Variants in PDIA5 observed in about 807,000 individuals in gnomAD.
The protein encoded by PDIA5 is protein disulfide-isomerase A5.
In PDIA5, 58 loss-of-function variants were observed where a neutral mutation model predicts 77.6. That is an observed-to-expected ratio of 0.75 (90% CI 0.61 to 0.93). PDIA5 has a LOEUF of 0.93. PDIA5 is among the 40% of genes least tolerant of loss of function. The probability of loss-of-function intolerance (pLI) is 0.00; values close to 1 mark genes in which losing one functional copy is unlikely to be tolerated. For missense variants in PDIA5, 630 were observed against 647.7 expected (o/e 0.97, Z 0.30); for synonymous variants, 250 against 252.1 (o/e 0.99, Z 0.08).
chr3:123,082,759 C>T (rs1934041828), intron 1 of PDIA5, among the ~76,000 whole-genome samples: 1 of 152,174 alleles, frequency 6.6e-6, no homozygotes, highest in South Asian at 2.1e-4. Context: ...TTTGTCATCT[C>T]TCCCCTCATG....
intron 15 of PDIA5, among the ~76,000 whole-genome samples, chr3:123,156,300 G>A (rs1468869497): frequency 6.6e-5 from 10 of 152,182 alleles, no homozygotes; most frequent in Admixed American, 2.6e-4. Context: ...GGAGTCAGGA[G>A]GTCCCATTGT....
intron 3 of PDIA5, 59 bp downstream of exon 3, chr3:123,092,501 G>T: frequency 8.4e-7 from 1 of 1,191,368 alleles, no homozygotes; most frequent in Non-Finnish European, 1.3e-6. Flanking sequence ...TTGGGGCTTT[G>T]ATTGGTGGGG....
intron 10 of PDIA5, among the ~76,000 whole-genome samples, chr3:123,129,869 G>C (rs748924106): frequency 6.6e-6 from 1 of 152,204 alleles, no homozygotes; most frequent in Non-Finnish European, 1.5e-5. Context: ...GGAAGGATTA[G>C]TGATGTAGCA....
intron 3 of PDIA5, among the ~76,000 whole-genome samples, chr3:123,100,952 G>T (rs555134183): frequency 1.3e-5 from 2 of 152,338 alleles, no homozygotes; most frequent in African/African-American, 4.8e-5. Flanking sequence ...CTCCAGTTGT[G>T]TAGTCAGTGG....
intron 1 of PDIA5, among the ~76,000 whole-genome samples, chr3:123,079,525 C>A (rs915728786): frequency 1.5e-4 from 23 of 152,156 alleles, no homozygotes; most frequent in Admixed American, 3.9e-4. Context: ...AAAATACCAT[C>A]TAAATGGCTT....
chr3:123,127,886 TG>T (rs1177524685), intron 10 of PDIA5, among the ~76,000 whole-genome samples: 1 of 152,170 alleles, frequency 6.6e-6, no homozygotes, highest in Admixed American at 6.5e-5. Context: ...GAGCATGTAT[TG>T]AGTGTCTGCT....
intron 1 of PDIA5, among the ~76,000 whole-genome samples, chr3:123,069,070 C>T (rs1014933535): frequency 6.6e-6 from 1 of 152,218 alleles, no homozygotes; most frequent in African/African-American, 2.4e-5. Context: ...TCTATCTTCT[C>T]CTTTCCCTAA....
intron 1 of PDIA5, among the ~76,000 whole-genome samples, chr3:123,079,337 C>T (rs1207837562): frequency 6.6e-6 from 1 of 151,864 alleles, no homozygotes; most frequent in Non-Finnish European, 1.5e-5. Flanking sequence ...CCCGCCACCA[C>T]GCCCGGCTAA....
chr3:123,123,409 G>A lies in PDIA5; in HGVS notation c.610-657G>A, dbSNP rs139039156. 5.1e-3 allele frequency among the ~76,000 whole-genome samples: 774 copies of A among 152,352 alleles called. 2 individuals carry two copies. Among genetic ancestry groups the A allele is most frequent in the Non-Finnish European group, 8.4e-3 (571 of 68,044 alleles). On this transcript the variant is annotated intron_variant, in intron 8 of 16. Transcript: ENST00000316218. ...GAGATGATGATCCAGCCAGGCTGTG[G>A]GTAATGGTCACCAACAGGAGGAAAC...
chr3:123,089,567 G>A lies in PDIA5; in HGVS notation c.169+273G>A, dbSNP rs75612766. ...CCTCACTCCTCAAGAGGGAGAGGGC[G>A]TGTGTGAAGTAGGACAGAGGATCAC... On this transcript the variant is annotated intron_variant, in intron 2 of 16. Transcript: ENST00000316218. Among the ~76,000 whole-genome samples the A allele has an allele frequency of 1.5e-4, 23 of 152,376 alleles. No homozygotes were observed. In the East Asian group the frequency reaches 3.9e-3, roughly 26 times the overall value.
Position 123,101,667 on chromosome 3 carries a change from C to T in PDIA5, c.258-744C>T, listed in dbSNP as rs116222631. 6.6e-3 allele frequency among the ~76,000 whole-genome samples: 1,002 copies of T among 152,234 alleles called. 13 individuals are homozygous for T. The highest frequency in any genetic ancestry group is 0.023 in the African/African-American group (940 of 41,540). On this transcript the variant is annotated intron_variant, in intron 3 of 16. Transcript: ENST00000316218. The stretch of plus-strand genomic sequence containing the variant: ...AAAAACAAAAATCTTGCTTGTCCAC[C>T]CCCAACAGAGATTCCAAATTGATAA...
At chr3:123,130,049 T>C (rs895973796) in intron 10 of PDIA5, among the ~76,000 whole-genome samples, 4 of 152,136 alleles carry the variant, frequency 2.6e-5, no homozygotes, top group Admixed American at 1.3e-4. Context: ...CTTCCTCCCC[T>C]CCACTGCCCA....
chr3:123,157,596 C>A (rs1157331643), intron 15 of PDIA5, among the ~76,000 whole-genome samples: 1 of 152,192 alleles, frequency 6.6e-6, no homozygotes, highest in African/African-American at 2.4e-5. Flanking sequence ...AGAAGCCAGC[C>A]CCTGTTCCTA....
intron 2 of PDIA5, among the ~76,000 whole-genome samples, chr3:123,091,046 A>G (rs1240674052): frequency 1.3e-5 from 2 of 152,018 alleles, no homozygotes; most frequent in African/African-American, 4.8e-5. Context: ...GGCAGGGGGT[A>G]CTTTATCTTG....
chr3:123,109,677 G>T (rs1039110862), intron 6 of PDIA5, among the ~76,000 whole-genome samples: 3 of 151,744 alleles, frequency 2.0e-5, no homozygotes, highest in Non-Finnish European at 2.9e-5. Flanking sequence ...TTTAGAAAAT[G>T]CACCTTCAGC....
intron 4 of PDIA5, 72 bp from the exon 5 acceptor site, chr3:123,102,679 C>A: frequency 7.8e-7 from 1 of 1,280,044 alleles, no homozygotes; most frequent in Non-Finnish European, 1.1e-6. Context: ...TATTAAGATG[C>A]TGCAGGAAAC....
chr3:123,068,398 T>G lies in PDIA5; in HGVS notation c.42+1192T>G, dbSNP rs373786770. On this transcript the variant is annotated intron_variant, in intron 1 of 16. Coordinates refer to ENST00000316218, the MANE Select transcript of PDIA5 (RefSeq NM_006810.4). ...GAAGTGGGTGGGGAAAGAAGCCCCC[T>G]GTTCTCTTCGGTCTGTGTTCTCCCT... is the stretch of plus-strand genomic sequence containing the variant. Among the ~76,000 whole-genome samples, 29 of 152,328 alleles carry G rather than the reference T, an allele frequency of 1.9e-4. No individual in the cohort carries two copies. The East Asian group carries it at 4.8e-3, about 25-fold the overall frequency.
At chr3:123,093,406 G>C (rs531541509) in intron 3 of PDIA5, among the ~76,000 whole-genome samples, 1 of 152,142 alleles carries the variant, frequency 6.6e-6, no homozygotes, top group Non-Finnish European at 1.5e-5. Context: ...TGCTTGCCTT[G>C]ACCAGCTGTG....
rs115997165 is a variant in PDIA5, at chr3:123,160,017, T to C, written c.1345-1304T>C. ...AAATTATCTTATTGAATCACCCTCT[T>C]TTAATTTCTTCCAAGCATTCATTGA... On this transcript the variant is annotated intron_variant, in intron 15 of 16. Transcript: ENST00000316218. Among the ~76,000 whole-genome samples, 1,484 of 152,342 alleles carry C rather than the reference T, an allele frequency of 9.7e-3. 25 individuals carry two copies. Among genetic ancestry groups the C allele is most frequent in the African/African-American group, 0.034 (1,393 of 41,566 alleles).
Sources: allele counts gnomAD v4.1 joint callset (sites outside exome capture counted in the v4.1 genomes callset), GRCh38; gene constraint gnomAD v4.1.1; transcripts MANE v1.5; gene names NCBI Gene and HGNC (gene_info 2026-07-23, HGNC 2026-07-21).